Variants in XIRP2 observed in about 807,000 individuals in gnomAD.
XIRP2 encodes xin actin binding repeat containing 2, also known as xin actin-binding repeat-containing protein 2.
In XIRP2, 236 loss-of-function variants were observed where a neutral mutation model predicts 277.0. The ratio of observed to expected loss-of-function variants is 0.85; its 90% CI spans 0.77 to 0.95. XIRP2 has a LOEUF of 0.95. Ranked by LOEUF, XIRP2 falls within the 40% of genes least tolerant of loss-of-function variation. The pLI is 0.00. For synonymous variants in XIRP2, 1,490 were observed against 1,416.5 expected (o/e 1.05, Z -1.17); for missense variants, 4,640 against 4,157.5 (o/e 1.12, Z -3.19).
At chr2:167,022,861 A>G (rs1574173141) in intron 2 of XIRP2, among the ~76,000 whole-genome samples, 2 of 152,198 alleles carry the variant, frequency 1.3e-5, no homozygotes, top group African/African-American at 2.4e-5. Context: ...TCATTGTTGG[A>G]CATTTGGGTT....
intron 2 of XIRP2, among the ~76,000 whole-genome samples, chr2:166,930,939 T>C (rs1479216333): frequency 6.6e-6 from 1 of 152,180 alleles, no homozygotes; most frequent in Non-Finnish European, 1.5e-5. Context: ...TTAGTTTTTA[T>C]GTACAAATAT....
intron 2 of XIRP2, among the ~76,000 whole-genome samples, chr2:166,996,416 A>G (rs184134256): frequency 2.6e-5 from 4 of 152,288 alleles, no homozygotes; most frequent in Admixed American, 2.6e-4. Flanking sequence ...AGATCACTTG[A>G]GACCAGGAGT....
At position 167,248,421 on chromosome 2, in the gene XIRP2, C is replaced by T. The variant is rs777516828; in HGVS notation, c.7029C>T (p.Gly2343=). The change falls in exon 9 of 11, where the codon GGC becomes GGT. Residue 2343 remains glycine (G), a synonymous_variant. Coordinates refer to ENST00000409195, the MANE Select transcript of XIRP2 (RefSeq NM_152381.6). The part of the protein sequence containing the change: ...KIKAEFESFP[G]LPLPPPPVDE... The stretch of plus-strand genomic sequence containing the variant: ...AGGCTGAATTTGAAAGTTTTCCAGG[C>T]CTCCCTCTTCCTCCACCTCCAGTAG... 1.2e-6 allele frequency: 2 copies of T among 1,613,666 alleles called. No individual in the cohort carries two copies. Among genetic ancestry groups the T allele is most frequent in the African/African-American group, 1.3e-5 (1 of 74,934 alleles).
chr2:167,134,306 C>A (rs1045432695), intron 2 of XIRP2, among the ~76,000 whole-genome samples: 1 of 150,444 alleles, frequency 6.6e-6, no homozygotes, highest in South Asian at 2.1e-4. Flanking sequence ...TATATATTTA[C>A]GTGTGTGTAT....
At chr2:167,111,676 G>T (rs73015930) in intron 2 of XIRP2, among the ~76,000 whole-genome samples, 14,668 of 152,060 alleles carry the variant, frequency 0.096, 1,372 homozygotes, top group African/African-American at 0.24. Context: ...TCATGATGCT[G>T]CTCGTCTCAT....
At chr2:167,240,591 A>G (rs1695034207) in intron 6 of XIRP2, 73 bp from the exon 7 acceptor site, 8 of 1,276,724 alleles carry the variant, frequency 6.3e-6, no homozygotes, top group South Asian at 2.4e-5. Context: ...TGTAAAATGA[A>G]GAGTATTATT....
intron 3 of XIRP2, among the ~76,000 whole-genome samples, chr2:167,186,038 C>T (rs1377340510): frequency 2.0e-5 from 3 of 152,166 alleles, no homozygotes; most frequent in Admixed American, 1.3e-4. Context: ...TTTATATCTG[C>T]ACTAATACAT....
At chr2:167,191,192 A>G (rs1252442585) in intron 3 of XIRP2, among the ~76,000 whole-genome samples, 1 of 151,384 alleles carries the variant, frequency 6.6e-6, no homozygotes, top group Non-Finnish European at 1.5e-5. Context: ...TCTCAAAAAA[A>G]AAAAAAAAAA....
intron 2 of XIRP2, among the ~76,000 whole-genome samples, chr2:167,042,346 C>A (rs1321776002): frequency 6.6e-6 from 1 of 152,100 alleles, no homozygotes; most frequent in Non-Finnish European, 1.5e-5. Context: ...CTGACACTAT[C>A]CTTGAACATA....
intron 2 of XIRP2, among the ~76,000 whole-genome samples, chr2:166,976,870 A>G (rs917385375): frequency 6.6e-5 from 10 of 152,148 alleles, no homozygotes; most frequent in Non-Finnish European, 1.5e-4. Context: ...TCCCTCATGT[A>G]ACATTGTTAG....
At chr2:167,170,306 G>C (rs533124355) in intron 3 of XIRP2, among the ~76,000 whole-genome samples, 89 of 151,904 alleles carry the variant, frequency 5.9e-4, no homozygotes, top group African/African-American at 2.0e-3. Context: ...TCAGGGTTAG[G>C]TAGGCTTCAA....
At chr2:167,024,262 A>G (rs1327540579) in intron 2 of XIRP2, among the ~76,000 whole-genome samples, 5 of 151,940 alleles carry the variant, frequency 3.3e-5, no homozygotes, top group Admixed American at 1.3e-4. Context: ...TTTGTCTGTT[A>G]TTGGTGTATA....
At chr2:167,255,043 T>C (rs544246291) in intron 10 of XIRP2, among the ~76,000 whole-genome samples, 1 of 151,898 alleles carries the variant, frequency 6.6e-6, no homozygotes, top group African/African-American at 2.4e-5. Context: ...TAATGGCTTT[T>C]CCCCTACTCT....
chr2:167,140,585 G>A (rs1691686325), intron 3 of XIRP2, among the ~76,000 whole-genome samples: 1 of 152,048 alleles, frequency 6.6e-6, no homozygotes, highest in African/African-American at 2.4e-5. Flanking sequence ...GTGGACCCAG[G>A]ACTCCCAGCA....
intron 3 of XIRP2, among the ~76,000 whole-genome samples, chr2:167,142,841 A>G (rs1193110803): frequency 6.6e-6 from 1 of 152,128 alleles, no homozygotes; most frequent in East Asian, 1.9e-4. Flanking sequence ...GTTTAAGAAT[A>G]AAAAGCCCAG....
intron 3 of XIRP2, among the ~76,000 whole-genome samples, chr2:167,168,275 T>G (rs1374104861): frequency 1.3e-5 from 2 of 152,200 alleles, no homozygotes; most frequent in Non-Finnish European, 2.9e-5. Flanking sequence ...TGGTTTGGTG[T>G]CTAACATTAC....
At chr2:167,084,424 C>A (rs1020614169) in intron 2 of XIRP2, among the ~76,000 whole-genome samples, 22 of 150,514 alleles carry the variant, frequency 1.5e-4, no homozygotes, top group African/African-American at 4.9e-4. Context: ...TGTCTCTGCC[C>A]GGCTTTGGTA....
intron 3 of XIRP2, among the ~76,000 whole-genome samples, chr2:167,203,343 G>A (rs1693773498): frequency 6.6e-6 from 1 of 152,218 alleles, no homozygotes; most frequent in Non-Finnish European, 1.5e-5. Context: ...AAGCAGGAAC[G>A]AATCCTTTTT....
intron 3 of XIRP2, among the ~76,000 whole-genome samples, chr2:167,188,140 T>C (rs969361233): frequency 3.9e-5 from 6 of 152,202 alleles, no homozygotes; most frequent in African/African-American, 1.4e-4. Context: ...CCAGTCCTAA[T>C]TATAGTAACT....
Sources: allele counts gnomAD v4.1 joint callset (sites outside exome capture counted in the v4.1 genomes callset), GRCh38; gene constraint gnomAD v4.1.1; transcripts MANE v1.5; gene names NCBI Gene and HGNC (gene_info 2026-07-23, HGNC 2026-07-21).